The following PMFBP1 variants were observed in gnomAD, a reference collection of about 807,000 sequenced individuals.
PMFBP1 encodes the protein polyamine modulated factor 1 binding protein 1, also known as polyamine-modulated factor 1-binding protein 1.
In PMFBP1, 131 loss-of-function variants were observed where a neutral mutation model predicts 137.8. The observed-to-expected ratio is 0.95, with a 90% CI of 0.82 to 1.10. PMFBP1 has a LOEUF of 1.10. Among genes scored for constraint, PMFBP1 ranks in the 50% least tolerant of loss-of-function variants. The pLI is 0.00. For synonymous variants in PMFBP1, 490 were observed against 450.4 expected (o/e 1.09, Z -1.11); for missense variants, 1,199 against 1,175.4 (o/e 1.02, Z -0.29).
intron 7 of PMFBP1, among the ~76,000 whole-genome samples, chr16:72,138,792 T>C (rs1597470187): frequency 6.6e-6 from 1 of 151,906 alleles, no homozygotes; most frequent in Admixed American, 6.6e-5. Context: ...CTGGGGTTAC[T>C]GGCATGAGCC....
intron 19 of PMFBP1, among the ~76,000 whole-genome samples, chr16:72,122,575 C>T (rs1185753931): frequency 6.6e-6 from 1 of 152,234 alleles, no homozygotes; most frequent in Admixed American, 6.5e-5. Context: ...CACTTGGGAT[C>T]TGTTAGAGCA....
chr16:72,239,048 A>G, the PMFBP1 span, among the ~76,000 whole-genome samples: 76 of 152,328 alleles, frequency 5.0e-4, no homozygotes, highest in Non-Finnish European at 1.0e-3. Context: ...ATTTTGCAAA[A>G]AGTAAGGAAA....
At chr16:72,206,951 G>A in the PMFBP1 span, among the ~76,000 whole-genome samples, 1,046 of 152,220 alleles carry the variant, frequency 6.9e-3, 8 homozygotes, top group Non-Finnish European at 7.1e-3. Context: ...ATGTTTCAGA[G>A]TTGGAAGGAA....
At chr16:72,144,191 C>T (rs1041085147) in intron 5 of PMFBP1, among the ~76,000 whole-genome samples, 3 of 152,034 alleles carry the variant, frequency 2.0e-5, no homozygotes, top group African/African-American at 7.2e-5. Flanking sequence ...CACAAGAAAA[C>T]TTGCATAAAA....
intron 9 of PMFBP1, among the ~76,000 whole-genome samples, chr16:72,136,142 C>T (rs944232886): frequency 6.6e-6 from 1 of 152,098 alleles, no homozygotes; most frequent in African/African-American, 2.4e-5. Context: ...CACTATCAAG[C>T]ATAAGAAGAG....
intron 4 of PMFBP1, among the ~76,000 whole-genome samples, chr16:72,152,357 C>A (rs2042913972): frequency 6.6e-6 from 1 of 152,158 alleles, no homozygotes; most frequent in Non-Finnish European, 1.5e-5. Flanking sequence ...CTACTGGGGG[C>A]AGCAATGCAC....
At chr16:72,233,341 T>C in the PMFBP1 span, among the ~76,000 whole-genome samples, 2 of 152,072 alleles carry the variant, frequency 1.3e-5, no homozygotes, top group Non-Finnish European at 2.9e-5. Context: ...CAAATAATAA[T>C]GGATGAAAAG....
intron 3 of PMFBP1, among the ~76,000 whole-genome samples, chr16:72,155,907 A>G (rs2042973582): frequency 6.6e-6 from 1 of 152,022 alleles, no homozygotes; most frequent in Non-Finnish European, 1.5e-5. Flanking sequence ...TTCTGCCTCT[A>G]TGGATTTTCT....
the PMFBP1 span, among the ~76,000 whole-genome samples, chr16:72,186,583 CT>C: frequency 6.6e-6 from 1 of 152,028 alleles, no homozygotes; most frequent in African/African-American, 2.4e-5. Flanking sequence ...TCAACAATTG[CT>C]TCGTGTACAT....
chr16:72,158,291 C>T (rs532597717), intron 3 of PMFBP1, among the ~76,000 whole-genome samples: 20 of 152,302 alleles, frequency 1.3e-4, no homozygotes, highest in Middle Eastern at 3.4e-3. Context: ...GATGAGACCT[C>T]TTTTCTAAGT....
chr16:72,168,931 G>A (rs2043183267), intron 2 of PMFBP1, among the ~76,000 whole-genome samples: 1 of 152,138 alleles, frequency 6.6e-6, no homozygotes, highest in Non-Finnish European at 1.5e-5. Context: ...TTTCAAAATA[G>A]GAGAAGACAT....
Position 72,119,376 on chromosome 16 carries a change from G to C in PMFBP1, c.3008-22C>G, listed in dbSNP as rs375093491. The C allele has an allele frequency of 4.9e-5, 79 of 1,614,064 alleles. 2 individuals are homozygous for C. Among genetic ancestry groups the C allele is most frequent in the Admixed American group, 2.7e-4 (16 of 60,020 alleles). ...GAACCTGAGGGAACAGGGAGGAAAT[G>C]AGAGTTTTGATTCGAGGAGAAATTA... On this transcript the variant is annotated intron_variant, in intron 20 of 20. Coordinates refer to ENST00000237353, the MANE Select transcript of PMFBP1 (RefSeq NM_031293.3).
At chr16:72,186,923 G>C in the PMFBP1 span, among the ~76,000 whole-genome samples, 1 of 151,952 alleles carries the variant, frequency 6.6e-6, no homozygotes, top group Non-Finnish European at 1.5e-5. Context: ...GACAAGCCTG[G>C]CCAACATGGC....
At chr16:72,128,485 G>T (rs1396707789) in intron 14 of PMFBP1, 172 bp downstream of exon 14, 1 of 1,539,768 alleles carries the variant, frequency 6.5e-7, no homozygotes, top group Non-Finnish European at 8.7e-7. Context: ...CATTTCTCTG[G>T]CTCAGCAACC....
chr16:72,140,845 A>G (rs186189993), intron 5 of PMFBP1, among the ~76,000 whole-genome samples: 32 of 151,008 alleles, frequency 2.1e-4, no homozygotes, highest in Admixed American at 7.3e-4. Flanking sequence ...ATGACAATCC[A>G]TGTTACCAGC....
chr16:72,227,620 T>C, the PMFBP1 span, among the ~76,000 whole-genome samples: 13 of 152,210 alleles, frequency 8.5e-5, no homozygotes, highest in African/African-American at 3.1e-4. Flanking sequence ...CCGTATAACA[T>C]TCTTCCATGT....
chr16:72,241,581 C>A, the PMFBP1 span, among the ~76,000 whole-genome samples: 1 of 152,096 alleles, frequency 6.6e-6, no homozygotes, highest in Non-Finnish European at 1.5e-5. Context: ...CCAGTATCTC[C>A]CTCTCTACTT....
At chr16:72,175,518 C>G (rs1269073564), upstream of PMFBP1, among the ~76,000 whole-genome samples, 1 of 152,232 alleles carries the variant, frequency 6.6e-6, no homozygotes, top group Non-Finnish European at 1.5e-5. Context: ...CCTGGCCTTA[C>G]AGCAACCTTG....
chr16:72,198,569 G>A, the PMFBP1 span, among the ~76,000 whole-genome samples: 69 of 152,208 alleles, frequency 4.5e-4, no homozygotes, highest in Admixed American at 1.8e-3. Flanking sequence ...GGCTCTGTCT[G>A]CTAATGCAAG....
Sources: allele counts gnomAD v4.1 joint callset (sites outside exome capture counted in the v4.1 genomes callset), GRCh38; gene constraint gnomAD v4.1.1; transcripts MANE v1.5; gene names NCBI Gene and HGNC (gene_info 2026-07-23, HGNC 2026-07-21).